The following IQCM variants were observed in gnomAD, a reference collection of about 807,000 sequenced individuals.
The protein encoded by IQCM is IQ motif containing M.
A neutral mutation model predicts 57.6 loss-of-function variants in IQCM; 45 were observed. The observed-to-expected ratio is 0.78, with a 90% CI of 0.62 to 1.00. The LOEUF is 1.00. IQCM is among the 50% of genes least tolerant of loss of function. The pLI is 0.00. For missense variants in IQCM, 468 were observed against 511.6 expected, an observed-to-expected ratio of 0.91 and a Z score of 0.82; for synonymous variants, 148 against 158.9, an observed-to-expected ratio of 0.93 and a Z score of 0.51.
intron 2 of IQCM, among the ~76,000 whole-genome samples, chr4:149,771,136 A>G (rs1253052129): frequency 6.6e-6 from 1 of 152,120 alleles, no homozygotes; most frequent in Non-Finnish European, 1.5e-5. Flanking sequence ...TTTTCTATAA[A>G]GAACACAATT....
intron 2 of IQCM, among the ~76,000 whole-genome samples, chr4:149,750,371 C>A (rs963599942): frequency 6.6e-6 from 1 of 152,130 alleles, no homozygotes; most frequent in East Asian, 1.9e-4. Flanking sequence ...AATAGAGTGA[C>A]GCTTTCCTTG....
At chr4:149,364,881 G>A (rs1729728545) in intron 13 of IQCM, among the ~76,000 whole-genome samples, 1 of 152,102 alleles carries the variant, frequency 6.6e-6, no homozygotes. Flanking sequence ...GGCAAGGGGT[G>A]GAAAGGAGCT....
chr4:149,463,296 G>GT, intron 12 of IQCM, among the ~76,000 whole-genome samples: 1 of 152,128 alleles, frequency 6.6e-6, no homozygotes, highest in Non-Finnish European at 1.5e-5. Context: ...CCATAATTGG[G>GT]TTTTGGAAGG....
At chr4:149,464,577 C>G (rs1167442548) in intron 12 of IQCM, among the ~76,000 whole-genome samples, 1 of 152,140 alleles carries the variant, frequency 6.6e-6, no homozygotes, top group Non-Finnish European at 1.5e-5. Flanking sequence ...TACCATATGG[C>G]AAACTTGCCC....
intron 7 of IQCM, among the ~76,000 whole-genome samples, chr4:149,662,385 T>C (rs537526181): frequency 2.0e-5 from 3 of 152,194 alleles, no homozygotes; most frequent in Non-Finnish European, 4.4e-5. Context: ...GAATGTTCCA[T>C]GTGCAGATGT....
At chr4:149,531,741 C>A (rs971851774) in intron 12 of IQCM, among the ~76,000 whole-genome samples, 12 of 152,024 alleles carry the variant, frequency 7.9e-5, no homozygotes, top group African/African-American at 2.9e-4. Context: ...AGCACTAGCA[C>A]AACTGAGCCC....
chr4:149,627,743 T>C (rs1163309612), intron 7 of IQCM, among the ~76,000 whole-genome samples: 3 of 152,286 alleles, frequency 2.0e-5, no homozygotes, highest in East Asian at 1.9e-4. Context: ...TATTAGCTTA[T>C]ATGGCAAAAG....
At chr4:149,642,369 G>A (rs750632575) in intron 7 of IQCM, among the ~76,000 whole-genome samples, 5 of 152,166 alleles carry the variant, frequency 3.3e-5, no homozygotes, top group African/African-American at 9.6e-5. Context: ...ATGAGAGGTC[G>A]TAAAATAAAT....
chr4:149,780,914 T>C (rs1342511418), intron 2 of IQCM, among the ~76,000 whole-genome samples: 2 of 152,168 alleles, frequency 1.3e-5, no homozygotes, highest in African/African-American at 4.8e-5. Flanking sequence ...CCAGGTATCA[T>C]GCGAAGATGA....
chr4:149,655,901 A>C (rs997825013), intron 7 of IQCM, among the ~76,000 whole-genome samples: 3 of 152,190 alleles, frequency 2.0e-5, no homozygotes, highest in Non-Finnish European at 4.4e-5. Flanking sequence ...TAAAACTGAA[A>C]TGGTTTGATA....
chr4:149,441,883 C>A (rs544364700), intron 12 of IQCM, among the ~76,000 whole-genome samples: 1 of 152,018 alleles, frequency 6.6e-6, no homozygotes, highest in Non-Finnish European at 1.5e-5. Context: ...GAGGGCACAG[C>A]CCTCATGGGT....
At chr4:149,540,205 A>C (rs535099303) in intron 12 of IQCM, among the ~76,000 whole-genome samples, 1 of 151,548 alleles carries the variant, frequency 6.6e-6, no homozygotes, top group East Asian at 1.9e-4. Flanking sequence ...CCTTAAGGGA[A>C]ACCAAATCAG....
intron 8 of IQCM, among the ~76,000 whole-genome samples, chr4:149,614,711 G>A (rs999554921): frequency 1.3e-5 from 2 of 152,116 alleles, no homozygotes; most frequent in Non-Finnish European, 2.9e-5. Flanking sequence ...TAACACTAAC[G>A]ATAGCTGGTA....
chr4:149,480,307 A>T (rs1308477794), intron 12 of IQCM, among the ~76,000 whole-genome samples: 4 of 152,188 alleles, frequency 2.6e-5, no homozygotes, highest in African/African-American at 9.7e-5. Context: ...ACACACTTAA[A>T]TTATTATTGA....
chr4:149,365,525 AG>A (rs1183949936), intron 13 of IQCM, among the ~76,000 whole-genome samples: 4 of 152,158 alleles, frequency 2.6e-5, no homozygotes, highest in South Asian at 4.1e-4. Context: ...AGCTAGACTT[AG>A]TTATGTGCTT....
At chr4:149,440,626 A>T (rs1735846645) in intron 12 of IQCM, among the ~76,000 whole-genome samples, 1 of 152,160 alleles carries the variant, frequency 6.6e-6, no homozygotes, top group Non-Finnish European at 1.5e-5. Flanking sequence ...CTTGTGCTTA[A>T]GCCTCTTTCT....
intron 5 of IQCM, among the ~76,000 whole-genome samples, chr4:149,726,083 G>GAAAGAAAT (rs1765878832): frequency 1.8e-5 from 2 of 108,640 alleles, no homozygotes; most frequent in African/African-American, 3.3e-5. Flanking sequence ...AAGAAAGAAA[G>GAAAGAAAT]AAAGAAAGAA....
At chr4:149,500,014 C>T (rs1389029214) in intron 12 of IQCM, among the ~76,000 whole-genome samples, 1 of 152,214 alleles carries the variant, frequency 6.6e-6, no homozygotes, top group East Asian at 1.9e-4. Flanking sequence ...CCCAAGGCAA[C>T]AGCCGAAGCT....
chr4:149,416,235 C>T (rs974036842), intron 13 of IQCM, among the ~76,000 whole-genome samples: 27 of 151,992 alleles, frequency 1.8e-4, no homozygotes, highest in Non-Finnish European at 4.0e-4. Context: ...TCCCTCCCTC[C>T]CCCATGGAGC....
Sources: allele counts gnomAD v4.1 joint callset (sites outside exome capture counted in the v4.1 genomes callset), GRCh38; gene constraint gnomAD v4.1.1; transcripts MANE v1.5; gene names NCBI Gene and HGNC (gene_info 2026-07-23, HGNC 2026-07-21).